Variants in LONP1 observed in about 807,000 individuals in gnomAD.
LONP1 encodes the protein lon peptidase 1, mitochondrial.
A neutral mutation model predicts 98.5 loss-of-function variants in LONP1; 31 were observed. The ratio of observed to expected loss-of-function variants is 0.31; its 90% CI spans 0.24 to 0.42. LONP1 has a LOEUF of 0.42. Among genes scored for constraint, LONP1 ranks in the 20% least tolerant of loss-of-function variants. LONP1 has a pLI of 1.00. For synonymous variants in LONP1, 781 were observed against 594.7 expected (o/e 1.31, Z -4.56); for missense variants, 1,336 against 1,350.6 (o/e 0.99, Z 0.17).
intron 1 of LONP1, among the ~76,000 whole-genome samples, chr19:5,714,711 C>T (rs568310853): frequency 2.7e-5 from 4 of 150,106 alleles, no homozygotes; most frequent in South Asian, 2.1e-4. Context: ...CTCCGCCTCC[C>T]GGGATCAAGC....
intron 8 of LONP1, among the ~76,000 whole-genome samples, chr19:5,701,671 C>T (rs1160833704): frequency 2.0e-5 from 3 of 152,172 alleles, no homozygotes; most frequent in Non-Finnish European, 4.4e-5. Flanking sequence ...GGCGTGATCT[C>T]GGCTCGCTAC....
chr19:5,699,202 A>C lies in LONP1; in HGVS notation c.1510T>G (p.Phe504Val). Residue 504 changes from phenylalanine to valine, a missense_variant, in exon 10 of 18, where the codon TTC becomes GTC. Coordinates refer to ENST00000360614, the MANE Select transcript of LONP1 (RefSeq NM_004793.4). The stretch of plus-strand genomic sequence containing the variant: ...CCGCGGAGCTGGCTAACGGCAATGA[A>C]CTCCTGCAGACAGAGGCAGGTTCAG... Reference protein sequence around the residue: ...MEDVKKRILEFIAVSQLRGST... With the variant: ...MEDVKKRILEVIAVSQLRGST... 1 of 1,486,970 alleles carries C rather than the reference A, an allele frequency of 6.7e-7. No homozygotes were observed. Among genetic ancestry groups the C allele is most frequent in the South Asian group, 1.4e-5 (1 of 73,568 alleles). The allele number at this position is 1,486,970 out of a possible 1,614,324, so 92.1% of individuals were successfully genotyped here. A position where few individuals can be genotyped will look rare whatever the true frequency, so the allele number is the denominator to read the frequency against.
In LONP1 at chr19:5,696,888, G is replaced by C. The variant is rs539637798; in HGVS notation, c.1686-131C>G. On this transcript the variant is annotated intron_variant, in intron 10 of 17. Transcript: ENST00000360614. ...AAGATGTGGCCATGATGTGGGAGGC[G>C]GAAATGCTGGCAGCCGCCGGATGTG... is the stretch of plus-strand genomic sequence containing the variant. 12 of 631,506 alleles carry C rather than the reference G, an allele frequency of 1.9e-5. No homozygotes were observed. The South Asian group carries it at 2.3e-4, about 12-fold the overall frequency. The allele number at this position is 631,506 out of a possible 1,614,324, so 39.1% of individuals were successfully genotyped here.
At chr19:5,696,218 A>C in intron 12 of LONP1, 31 bp downstream of exon 12, 1 of 1,612,776 alleles carries the variant, frequency 6.2e-7, no homozygotes, top group Non-Finnish European at 8.5e-7. Context: ...TACCCTCCCC[A>C]GCAAGCCCAG....
At position 5,707,461 on chromosome 19, in the gene LONP1, G is replaced by T. The variant is rs552863692; in HGVS notation, c.1062+236C>A. Among the ~76,000 whole-genome samples the T allele has an allele frequency of 2.0e-5, 3 of 152,302 alleles. No homozygotes were observed. The East Asian group carries it at 5.8e-4, about 29-fold the overall frequency. On this transcript the variant is annotated intron_variant, in intron 6 of 17. Coordinates refer to ENST00000360614, the MANE Select transcript of LONP1 (RefSeq NM_004793.4). ...GAACCCGCAACGGTGACTCCCAACC[G>T]AAGGCTATGAAGCCACCGAAAGGCG...
rs748762340 is a variant in LONP1 at position 5,704,800 on chromosome 19, G to C, written c.1367+972C>G. Among the ~76,000 whole-genome samples, 28 of 152,222 alleles carry C rather than the reference G, an allele frequency of 1.8e-4. 1 individual carries two copies. The highest frequency in any genetic ancestry group is 1.2e-3 in the Admixed American group (18 of 15,282). On this transcript the variant is annotated intron_variant, in intron 8 of 17. Transcript: ENST00000360614. Reference sequence around the variant, plus strand: ...CATGGTCACTTCCTGGCTGACTCTCGAAGGGGCAACAGAAGCCAGGGGTAG... The same window carrying C: ...CATGGTCACTTCCTGGCTGACTCTCCAAGGGGCAACAGAAGCCAGGGGTAG...
Position 5,715,676 on chromosome 19 carries a change from A to G in LONP1, c.430-1405T>C, listed in dbSNP as rs796861086. Among the ~76,000 whole-genome samples, 28 of 132,222 alleles carry G rather than the reference A, an allele frequency of 2.1e-4. No individual in the cohort carries two copies. The South Asian group carries it at 5.3e-3, about 25-fold the overall frequency. 86.7% of individuals were successfully genotyped at this position (132,222 alleles called of 152,430 possible). ...AAAAAAAAAAAAAAAAAAAAAAAAA[A>G]AAAGAAAGTTTCACTCTGCCACCCA... On this transcript the variant is annotated intron_variant, in intron 1 of 17. Coordinates refer to ENST00000360614, the MANE Select transcript of LONP1 (RefSeq NM_004793.4).
chr19:5,708,476 C>T, intron 4 of LONP1, 73 bp from the exon 5 acceptor site: 1 of 1,200,058 alleles, frequency 8.3e-7, no homozygotes, highest in Non-Finnish European at 1.2e-6. Flanking sequence ...GGGAGCATGG[C>T]CCTGGGAGCC....
intron 9 of LONP1, among the ~76,000 whole-genome samples, chr19:5,700,339 C>T (rs1455352381): frequency 6.6e-6 from 1 of 152,180 alleles, no homozygotes; most frequent in Non-Finnish European, 1.5e-5. Flanking sequence ...TCTTCAACTC[C>T]CGACCTCAGG....
chr19:5,720,212 T>C, upstream of LONP1: 1 of 1,383,538 alleles, frequency 7.2e-7, no homozygotes, highest in Non-Finnish European at 9.3e-7. Context: ...GGCGCGTGCC[T>C]CGGTACCCGA....
At chr19:5,698,188 C>T (rs978132762) in intron 10 of LONP1, among the ~76,000 whole-genome samples, 16 of 152,016 alleles carry the variant, frequency 1.1e-4, no homozygotes, top group Admixed American at 3.3e-4. Flanking sequence ...CTGGACACTG[C>T]GCGGGCCAGC....
chr19:5,692,281 A>G (rs1257637495), intron 17 of LONP1, 73 bp from the exon 18 acceptor site: 4 of 1,455,578 alleles, frequency 2.7e-6, no homozygotes, highest in Non-Finnish European at 3.7e-6. Context: ...TCCAGGAACG[A>G]AAGGGCTTCC....
In LONP1 at chr19:5,705,789, G is replaced by A. The variant is rs768939432; in HGVS notation, c.1350C>T (p.Asn450=). ...GCACTCACTTGAACTCCGAGGAGTGGTTGTCCAGCAGGCCCAGCTTGCTCA... is the reference window on the plus strand; with the variant it reads ...GCACTCACTTGAACTCCGAGGAGTGATTGTCCAGCAGGCCCAGCTTGCTCA... ...EELSKLGLLD[N]HSSEFNVTRN... is the part of the protein sequence containing the mutation. Residue 450 remains asparagine (N), a synonymous_variant, in exon 8 of 18, where the codon AAC becomes AAT. Coordinates refer to ENST00000360614, the MANE Select transcript of LONP1 (RefSeq NM_004793.4). The A allele has an allele frequency of 1.9e-6, 3 of 1,613,980 alleles. No individual in the cohort carries two copies. Among genetic ancestry groups the A allele is most frequent in the Non-Finnish European group, 2.5e-6 (3 of 1,180,032 alleles).
At chr19:5,693,484 G>A (rs766058858) in intron 16 of LONP1, 22 bp from the exon 17 acceptor site, 76 of 1,611,496 alleles carry the variant, frequency 4.7e-5, no homozygotes, top group Admixed American at 2.3e-4. Context: ...TGTGGGGATA[G>A]TGGGTGAGCA....
chr19:5,710,250 A>C (rs1487052111), intron 4 of LONP1, among the ~76,000 whole-genome samples: 2 of 151,246 alleles, frequency 1.3e-5, no homozygotes, highest in South Asian at 2.1e-4. Flanking sequence ...ACACCTGGCT[A>C]ATTTTTTTTT....
chr19:5,694,565 G>T lies in LONP1; in HGVS notation c.2155-13C>A. The T allele has an allele frequency of 5.6e-6, 9 of 1,611,316 alleles. No homozygotes were observed. Among genetic ancestry groups the T allele is most frequent in the Non-Finnish European group, 7.6e-6 (9 of 1,178,834 alleles). ...ATTTCCGTAACACCTGGGCGGTCAG[G>T]GCAACACAATGGGCACGGGAAGGTG... On this transcript the variant is annotated splice_polypyrimidine_tract_variant and intron_variant, in intron 14 of 17. Coordinates refer to ENST00000360614, the MANE Select transcript of LONP1 (RefSeq NM_004793.4).
chr19:5,707,773 A>T lies in LONP1; in HGVS notation c.986T>A (p.Ile329Asn). The change falls in exon 6 of 18, where the codon ATC becomes AAC. Residue 329 changes from isoleucine (I) to asparagine (N), a missense_variant. Ile to Asn is a moderately radical substitution (Grantham distance 149). This residue lies in a region of LONP1 where 97 missense variants were observed against 139.0 expected (regional missense o/e 0.70). Coordinates refer to ENST00000360614, the MANE Select transcript of LONP1 (RefSeq NM_004793.4). ...QAGQRVVDNP[I>N]YLSDMGAALT... is the part of the protein sequence containing the mutation. ...CGCGGCGCCCATGTCGCTCAGGTAG[A>T]TGGGGTTGTCCACCACCCGCTGGCC... 6.2e-7 allele frequency: 1 copy of T among 1,613,176 alleles called. No homozygotes were observed. The highest frequency in any genetic ancestry group is 8.5e-7 in the Non-Finnish European group (1 of 1,179,902).
At position 5,707,635 on chromosome 19, in the gene LONP1, G is replaced by A. The variant is rs538410896; in HGVS notation, c.1062+62C>T. On this transcript the variant is annotated intron_variant, in intron 6 of 17. Transcript: ENST00000360614. ...GGAACGGGGGCAGCCGGGCGTGGGC[G>A]GAGCATAGTGGAGGTGGGGTGCAGC... The A allele has an allele frequency of 3.4e-5, 53 of 1,563,798 alleles. 1 individual carries two copies. Among genetic ancestry groups the A allele is most frequent in the East Asian group, 3.2e-4 (14 of 44,242 alleles).
Position 5,705,864 on chromosome 19 carries a change from C to T in LONP1, c.1275G>A (p.Leu425=). ...CGTGCTTGGGGACCACGAGCTCCTTCAGGCGCTCCCGGAACTTCTCCTCGA... is the reference window on the plus strand; with the variant it reads ...CGTGCTTGGGGACCACGAGCTCCTTTAGGCGCTCCCGGAACTTCTCCTCGA... ...DAIEEKFRER[L]KELVVPKHVM... Residue 425 remains leucine (L), a synonymous_variant, in exon 8 of 18, where the codon CTG becomes CTA. Coordinates refer to ENST00000360614, the MANE Select transcript of LONP1 (RefSeq NM_004793.4). 1 of 1,614,184 alleles carries T rather than the reference C, an allele frequency of 6.2e-7. No individual in the cohort carries two copies. The highest frequency in any genetic ancestry group is 8.5e-7 in the Non-Finnish European group (1 of 1,180,008).
Sources: gnomAD v4.1 joint callset for allele counts (sites outside exome capture counted in the v4.1 genomes callset) on GRCh38, gnomAD v4.1.1 for gene constraint, gnomAD v4.1.1 regional missense constraint, MANE v1.5 for transcripts, NCBI Gene and HGNC (gene_info 2026-07-23, HGNC 2026-07-21) for gene names.